Variants in INTS8 observed in about 807,000 individuals in gnomAD.
INTS8 encodes the protein integrator complex subunit 8.
In INTS8, 47 loss-of-function variants were observed where a neutral mutation model predicts 138.9. That is an observed-to-expected ratio of 0.34 (90% CI 0.27 to 0.43). INTS8 has a LOEUF of 0.43. Ranked by LOEUF, INTS8 falls within the 20% of genes least tolerant of loss-of-function variation. INTS8 has a pLI of 1.00. For missense variants in INTS8, 996 were observed against 1,173.0 expected, an observed-to-expected ratio of 0.85 and a Z score of 2.20; for synonymous variants, 392 against 400.9, an observed-to-expected ratio of 0.98 and a Z score of 0.27.
chr8:94,869,389 C>T (rs187453144), intron 20 of INTS8, among the ~76,000 whole-genome samples: 11 of 152,226 alleles, frequency 7.2e-5, no homozygotes, highest in South Asian at 2.1e-4. Context: ...TGCAATGGTA[C>T]GATCTCGGCT....
chr8:94,865,245 CA>C (rs1816135419), intron 16 of INTS8, among the ~76,000 whole-genome samples: 1 of 151,946 alleles, frequency 6.6e-6, no homozygotes, highest in African/African-American at 2.4e-5. Flanking sequence ...TGCGTTGTCT[CA>C]TTTTCGTTTT....
intron 10 of INTS8, among the ~76,000 whole-genome samples, chr8:94,848,562 A>G (rs931131025): frequency 1.3e-5 from 2 of 152,168 alleles, no homozygotes; most frequent in Non-Finnish European, 2.9e-5. Context: ...TGGATATTTT[A>G]TGTAAATGGA....
chr8:94,877,336 G>C (rs1816598946), intron 26 of INTS8, among the ~76,000 whole-genome samples: 1 of 152,020 alleles, frequency 6.6e-6, no homozygotes, highest in Admixed American at 6.5e-5. Context: ...TTTAAACTTT[G>C]TACTCGGACT....
chr8:94,845,753 G>T (rs759293833), intron 10 of INTS8, among the ~76,000 whole-genome samples: 1 of 152,144 alleles, frequency 6.6e-6, no homozygotes, highest in African/African-American at 2.4e-5. Context: ...GAGCTACCAC[G>T]CCCGGCAGTC....
intron 2 of INTS8, among the ~76,000 whole-genome samples, chr8:94,825,899 C>T (rs192295031): frequency 6.6e-6 from 1 of 151,950 alleles, no homozygotes; most frequent in East Asian, 1.9e-4. Context: ...TGTGATCATA[C>T]CCTATATACT....
At chr8:94,857,267 TC>T (rs1054819972) in intron 15 of INTS8, among the ~76,000 whole-genome samples, 3 of 152,154 alleles carry the variant, frequency 2.0e-5, no homozygotes, top group African/African-American at 7.2e-5. Context: ...AGATGGGGTT[TC>T]ACTATGTTGG....
In INTS8 at chr8:94,856,867, A is replaced by T. The variant is rs1457929190; in HGVS notation, c.1843A>T (p.Met615Leu). ...GCTTCGTCAGGTCATGCTGAATGAG[A>T]TGTTGCTTTTGGATATTCATACACA... is the stretch of plus-strand genomic sequence containing the variant. The part of the protein sequence containing the change: ...PKLRQVMLNE[M>L]LLLDIHTHEA... The change falls in exon 15 of 27, where the codon ATG (methionine) becomes TTG (leucine). Residue 615 changes from methionine (M) to leucine (L), a missense_variant. Met to Leu is a conservative substitution (Grantham distance 15). Transcript: ENST00000523731. The T allele has an allele frequency of 3.1e-6, 5 of 1,614,090 alleles. No individual in the cohort carries two copies. The highest frequency in any genetic ancestry group is 4.2e-6 in the Non-Finnish European group (5 of 1,180,006).
chr8:94,831,194 A>G (rs1814699677), intron 5 of INTS8, among the ~76,000 whole-genome samples: 1 of 151,740 alleles, frequency 6.6e-6, no homozygotes. Flanking sequence ...GCTCACTGCA[A>G]CCTCTGTCTC....
chr8:94,872,728 G>A (rs1042686995), intron 21 of INTS8, among the ~76,000 whole-genome samples: 2 of 152,150 alleles, frequency 1.3e-5, no homozygotes, highest in East Asian at 3.8e-4. Context: ...AACTTTCAAT[G>A]CTTCTATTAC....
chr8:94,827,515 C>G, intron 3 of INTS8, 112 bp downstream of exon 3: 1 of 1,305,948 alleles, frequency 7.7e-7, no homozygotes, highest in Non-Finnish European at 1.1e-6. Context: ...TTTTTCAAAT[C>G]TGGGGAACTG....
chr8:94,869,390 G>A (rs1416814914), intron 20 of INTS8, among the ~76,000 whole-genome samples: 2 of 152,082 alleles, frequency 1.3e-5, no homozygotes, highest in East Asian at 1.9e-4. Context: ...GCAATGGTAC[G>A]ATCTCGGCTT....
In INTS8 at chr8:94,824,966, A is replaced by G; in HGVS notation, c.204A>G (p.Gln68=). 6.2e-7 allele frequency: 1 copy of G among 1,612,894 alleles called. No individual in the cohort carries two copies. The highest frequency in any genetic ancestry group is 1.3e-5 in the African/African-American group (1 of 74,994). The change falls in exon 2 of 27, where the codon CAA becomes CAG. Residue 68 remains glutamine (Q), a synonymous_variant. Coordinates refer to ENST00000523731, the MANE Select transcript of INTS8 (RefSeq NM_017864.4). ...AACCTTCAGTTAATGAACAAAACCA[A>G]GTTCAACCTCCGCCTGATAACAAGA... The part of the protein sequence containing the change: ...ASKPSVNEQN[Q]VQPPPDNKRN...
At chr8:94,853,685 T>C in intron 13 of INTS8, 120 bp from the exon 14 acceptor site, 2 of 585,792 alleles carry the variant, frequency 3.4e-6, no homozygotes, top group Admixed American at 2.9e-5. Context: ...TTCCTTTCTC[T>C]TTAAGAGACG....
rs778628184 is a variant in INTS8 at position 94,876,264 on chromosome 8, A to G, written c.2806A>G (p.Thr936Ala). 1.2e-6 allele frequency: 2 copies of G among 1,611,822 alleles called. No homozygotes were observed. Among genetic ancestry groups the G allele is most frequent in the Admixed American group, 3.3e-5 (2 of 60,008 alleles). ...CTACTACGACTACATATGGGATGTTACCATTTTGGAATACTTGACTTGTAT... is the reference window on the plus strand; with the variant it reads ...CTACTACGACTACATATGGGATGTTGCCATTTTGGAATACTTGACTTGTAT... ...DSYYDYIWDVTILEYLTYLHH... is the reference protein window; with the variant it reads ...DSYYDYIWDVAILEYLTYLHH... The change falls in exon 25 of 27, where the codon ACC becomes GCC. Residue 936 changes from threonine (T) to alanine (A), a missense_variant. Transcript: ENST00000523731.
In INTS8 at chr8:94,866,179, C is replaced by A; in HGVS notation, c.2283C>A (p.Ile761=). ...IMYRSELLSF[I]KKLREPLVLT... is the part of the protein sequence containing the mutation. ...GTAGGAGTGAACTGCTTTCTTTTAT[C>A]AAAAAATTACGAGTAAGTTTTATTA... The change falls in exon 18 of 27, where the codon ATC becomes ATA. Residue 761 remains isoleucine (I), a synonymous_variant. Transcript: ENST00000523731. 7.6e-7 allele frequency: 1 copy of A among 1,314,168 alleles called. No homozygotes were observed. The highest frequency in any genetic ancestry group is 1.1e-6 in the Non-Finnish European group (1 of 927,408). 81.4% of individuals were successfully genotyped at this position (1,314,168 alleles called of 1,614,324 possible).
At chr8:94,845,983 A>G (rs1318552311) in intron 10 of INTS8, among the ~76,000 whole-genome samples, 2 of 152,218 alleles carry the variant, frequency 1.3e-5, no homozygotes, top group Admixed American at 6.5e-5. Flanking sequence ...GTCCTAATCC[A>G]TGAACGGGTA....
chr8:94,831,042 C>T (rs1478576980), intron 5 of INTS8, among the ~76,000 whole-genome samples: 12 of 152,114 alleles, frequency 7.9e-5, no homozygotes, highest in Non-Finnish European at 1.3e-4. Context: ...GTGATCTGCC[C>T]ATCTTGGGCT....
At position 94,876,295 on chromosome 8, in the gene INTS8, C is replaced by A; in HGVS notation, c.2827+10C>A. Reference sequence around the variant, plus strand: ...TTGGAATACTTGACTTGTATCCTTTCATCCATGTGTGTGATGTTAGAATGA... The same window carrying A: ...TTGGAATACTTGACTTGTATCCTTTAATCCATGTGTGTGATGTTAGAATGA... On this transcript the variant is annotated intron_variant, in intron 25 of 26. Coordinates refer to ENST00000523731, the MANE Select transcript of INTS8 (RefSeq NM_017864.4). 1 of 1,594,462 alleles carries A rather than the reference C, an allele frequency of 6.3e-7. No individual in the cohort carries two copies. The highest frequency in any genetic ancestry group is 1.1e-5 in the South Asian group (1 of 90,400).
At chr8:94,837,632 G>A (rs115440938) in intron 7 of INTS8, among the ~76,000 whole-genome samples, 2,440 of 151,516 alleles carry the variant, frequency 0.016, 61 homozygotes, top group African/African-American at 0.054. Flanking sequence ...CTCTTTGCTC[G>A]CTCCTTTAAA....
Sources: gnomAD v4.1 joint callset for allele counts (sites outside exome capture counted in the v4.1 genomes callset) on GRCh38, gnomAD v4.1.1 for gene constraint, MANE v1.5 for transcripts, NCBI Gene and HGNC (gene_info 2026-07-23, HGNC 2026-07-21) for gene names.